BCKDHB: variants seen among roughly 807,000 people sequenced by gnomAD.
The protein encoded by BCKDHB is 2-oxoisovalerate dehydrogenase subunit beta, mitochondrial.
BCKDHB carries 41 observed loss-of-function variants against 48.5 expected under a neutral mutation model. That is an observed-to-expected ratio of 0.85 (90% CI 0.66 to 1.10). BCKDHB has a LOEUF of 1.10. Ranked by LOEUF, BCKDHB falls within the 50% of genes least tolerant of loss-of-function variation. BCKDHB has a pLI of 0.00. For synonymous variants in BCKDHB, 201 were observed against 174.8 expected (o/e 1.15, Z -1.18); for missense variants, 496 against 494.2 (o/e 1.00, Z -0.03).
intron 9 of BCKDHB, among the ~76,000 whole-genome samples, chr6:80,309,140 T>G (rs569577215): frequency 1.1e-4 from 16 of 151,608 alleles, no homozygotes; most frequent in African/African-American, 3.1e-4. Context: ...CTCGGCTCAC[T>G]GCAACCTCCG....
downstream of BCKDHB, among the ~76,000 whole-genome samples, chr6:80,347,025 C>G (rs1226436936): frequency 6.6e-6 from 1 of 151,596 alleles, no homozygotes; most frequent in African/African-American, 2.4e-5. Context: ...GAACACTTTT[C>G]TATAACTACA....
intron 9 of BCKDHB, among the ~76,000 whole-genome samples, chr6:80,308,921 A>G (rs564878244): frequency 6.6e-6 from 1 of 152,090 alleles, no homozygotes; most frequent in South Asian, 2.1e-4. Flanking sequence ...TCACATGTAT[A>G]TACCTACCAC....
chr6:80,277,658 G>GTTT (rs35644465), intron 9 of BCKDHB, among the ~76,000 whole-genome samples: 3 of 138,570 alleles, frequency 2.2e-5, no homozygotes, highest in African/African-American at 5.3e-5. Context: ...TAAGATTTGA[G>GTTT]TTTTTTTTTT....
chr6:80,338,877 A>G (rs1769740691), intron 9 of BCKDHB, among the ~76,000 whole-genome samples: 1 of 152,184 alleles, frequency 6.6e-6, no homozygotes, highest in African/African-American at 2.4e-5. Flanking sequence ...GGGAATTGTA[A>G]TACTTCTATT....
At position 80,197,821 on chromosome 6, in the gene BCKDHB, C is replaced by T. The variant is rs575323537; in HGVS notation, c.743-3113C>T. Among the ~76,000 whole-genome samples, 3 of 152,280 alleles carry T rather than the reference C, an allele frequency of 2.0e-5. No individual in the cohort carries two copies. In the South Asian group the frequency reaches 6.2e-4, roughly 32 times the overall value. On this transcript the variant is annotated intron_variant, in intron 6 of 9. Coordinates refer to ENST00000320393, the MANE Select transcript of BCKDHB (RefSeq NM_183050.4). ...GATGTCATCAGCATTGTTCTTGACC[C>T]TCACTTTGGTTTAACAATTAAGACC... is the stretch of plus-strand genomic sequence containing the variant.
At chr6:80,207,250 C>T (rs12527712) in intron 8 of BCKDHB, among the ~76,000 whole-genome samples, 12,277 of 151,752 alleles carry the variant, frequency 0.081, 578 homozygotes, top group South Asian at 0.099. Flanking sequence ...AAATGTAAGA[C>T]AATAAAAACA....
intron 9 of BCKDHB, among the ~76,000 whole-genome samples, chr6:80,313,339 T>G (rs943174954): frequency 6.6e-6 from 1 of 152,108 alleles, no homozygotes; most frequent in Non-Finnish European, 1.5e-5. Context: ...TTTTTCTTTA[T>G]TAGTGTAGCT....
chr6:80,204,704 G>A (rs1388935840), intron 8 of BCKDHB, among the ~76,000 whole-genome samples: 1 of 151,960 alleles, frequency 6.6e-6, no homozygotes, highest in African/African-American at 2.4e-5. Flanking sequence ...CATTCAAAAA[G>A]CATTTGTAGC....
intron 8 of BCKDHB, among the ~76,000 whole-genome samples, chr6:80,250,903 T>C (rs1272849788): frequency 6.6e-6 from 1 of 152,172 alleles, no homozygotes; most frequent in Non-Finnish European, 1.5e-5. Flanking sequence ...AATTATGATA[T>C]AAAGTGCTTA....
In BCKDHB at chr6:80,325,550, A is replaced by G. The variant is rs116030655; in HGVS notation, c.1039-18114A>G. On this transcript the variant is annotated intron_variant, in intron 9 of 9. Coordinates refer to ENST00000320393, the MANE Select transcript of BCKDHB (RefSeq NM_183050.4). ...AAAACTGTTTAAGATAAAGCCCATA[A>G]CTATTAATTTTAGGACTGTTTTGTA... 4.1e-3 allele frequency among the ~76,000 whole-genome samples: 620 copies of G among 152,348 alleles called. 3 individuals are homozygous for G. The highest frequency in any genetic ancestry group is 0.014 in the African/African-American group (582 of 41,586).
At chr6:80,421,678 G>T in the BCKDHB span, among the ~76,000 whole-genome samples, 3 of 152,200 alleles carry the variant, frequency 2.0e-5, no homozygotes, top group African/African-American at 7.2e-5. Flanking sequence ...TTAGCAAAGA[G>T]ACTGGTGGCA....
At chr6:80,291,310 G>C (rs1406471302) in intron 9 of BCKDHB, among the ~76,000 whole-genome samples, 1 of 152,208 alleles carries the variant, frequency 6.6e-6, no homozygotes, top group African/African-American at 2.4e-5. Flanking sequence ...CTAATTGTCA[G>C]GGTGTCTTGC....
intron 9 of BCKDHB, among the ~76,000 whole-genome samples, chr6:80,286,685 A>G (rs921600633): frequency 1.3e-5 from 2 of 152,170 alleles, no homozygotes; most frequent in African/African-American, 4.8e-5. Context: ...GTACTGGTTC[A>G]TTGAAAGTTT....
intron 6 of BCKDHB, among the ~76,000 whole-genome samples, chr6:80,173,879 G>T (rs1367495086): frequency 6.6e-6 from 1 of 150,984 alleles, no homozygotes; most frequent in Non-Finnish European, 1.5e-5. Flanking sequence ...CTTTACACTG[G>T]TGGTGTAAAC....
chr6:80,417,462 G>A, the BCKDHB span, among the ~76,000 whole-genome samples: 3 of 152,112 alleles, frequency 2.0e-5, no homozygotes, highest in South Asian at 2.1e-4. Context: ...CAGTGTTTTT[G>A]TAGTGGCTTG....
intron 6 of BCKDHB, among the ~76,000 whole-genome samples, chr6:80,172,820 T>C (rs1203053221): frequency 6.6e-6 from 1 of 152,174 alleles, no homozygotes. Context: ...AGAGTTCCTG[T>C]TGCTCTTAAG....
chr6:80,224,732 A>G (rs1196140303), intron 8 of BCKDHB, among the ~76,000 whole-genome samples: 1 of 152,214 alleles, frequency 6.6e-6, no homozygotes, highest in East Asian at 1.9e-4. Flanking sequence ...CTTTTATACT[A>G]CCATAAAATT....
At chr6:80,134,182 A>G (rs1272600440) in intron 3 of BCKDHB, among the ~76,000 whole-genome samples, 1 of 152,072 alleles carries the variant, frequency 6.6e-6, no homozygotes, top group Non-Finnish European at 1.5e-5. Flanking sequence ...ATTGGAGGAA[A>G]TTTAGGTGAG....
intron 8 of BCKDHB, among the ~76,000 whole-genome samples, chr6:80,259,054 A>G (rs149823762): frequency 1.7e-3 from 255 of 152,314 alleles, no homozygotes; most frequent in African/African-American, 6.0e-3. Flanking sequence ...TGGTCCTGAA[A>G]CAGTTCAGTA....
Sources: allele counts gnomAD v4.1 joint callset (sites outside exome capture counted in the v4.1 genomes callset), GRCh38; gene constraint gnomAD v4.1.1; transcripts MANE v1.5; gene names NCBI Gene and HGNC (gene_info 2026-07-23, HGNC 2026-07-21).